Variants in ATP5MG observed in about 807,000 individuals in gnomAD.
The protein encoded by ATP5MG is ATP synthase membrane subunit g.
In ATP5MG, 7 loss-of-function variants were observed where a neutral mutation model predicts 12.7. The ratio of observed to expected loss-of-function variants is 0.55; its 90% CI spans 0.31 to 1.04. The LOEUF is 1.04. Ranked by LOEUF, ATP5MG falls within the 50% of genes least tolerant of loss-of-function variation. The probability of loss-of-function intolerance (pLI) is 0.05; values close to 1 mark genes in which losing one functional copy is unlikely to be tolerated. For synonymous variants in ATP5MG, 53 were observed against 48.2 expected (o/e 1.10, Z -0.41); for missense variants, 116 against 126.7 (o/e 0.92, Z 0.41).
chr11:118,402,682 CTTTT>C (rs1331286467), intron 1 of ATP5MG, among the ~76,000 whole-genome samples: 4 of 144,430 alleles, frequency 2.8e-5, no homozygotes, highest in Admixed American at 1.4e-4. Flanking sequence ...TGGGTATTTT[CTTTT>C]TCTTTCTTTC....
At chr11:118,407,215 G>T in intron 2 of ATP5MG, 118 bp downstream of exon 2, 1 of 1,423,366 alleles carries the variant, frequency 7.0e-7, no homozygotes, top group Non-Finnish European at 9.3e-7. Flanking sequence ...AGCATAATGA[G>T]GAAAAAAATT....
In ATP5MG at chr11:118,406,934, C is replaced by T. The variant is rs782683609; in HGVS notation, c.53-3C>T. On this transcript the variant is annotated splice_region_variant and splice_polypyrimidine_tract_variant and intron_variant, in intron 1 of 2. Coordinates refer to ENST00000300688, the MANE Select transcript of ATP5MG (RefSeq NM_006476.5). ...TTTTGTTTTGTTTTGTTTTGTTTTCCAGCTGCTGTGACTTACTCGAAGCCT... is the reference window on the plus strand; with the variant it reads ...TTTTGTTTTGTTTTGTTTTGTTTTCTAGCTGCTGTGACTTACTCGAAGCCT... 3.8e-6 allele frequency: 6 copies of T among 1,595,792 alleles called. No individual in the cohort carries two copies. Among genetic ancestry groups the T allele is most frequent in the Non-Finnish European group, 8.5e-7 (1 of 1,171,142 alleles).
At chr11:118,401,898 G>C in intron 1 of ATP5MG, 181 bp downstream of exon 1, 1 of 662,290 alleles carries the variant, frequency 1.5e-6, no homozygotes, top group Admixed American at 3.0e-5. Flanking sequence ...CCACTCGTCT[G>C]ACCTGCAGAT....
intron 1 of ATP5MG, among the ~76,000 whole-genome samples, chr11:118,404,487 G>T (rs1948956299): frequency 6.6e-6 from 1 of 152,074 alleles, no homozygotes; most frequent in Admixed American, 6.6e-5. Context: ...GTCTGTCTAG[G>T]TATCTGTCTT....
At chr11:118,408,481 C>T (rs1276614034) in intron 2 of ATP5MG, among the ~76,000 whole-genome samples, 3 of 152,146 alleles carry the variant, frequency 2.0e-5, no homozygotes, top group Non-Finnish European at 2.9e-5. Context: ...TTTGGGACAA[C>T]AAAATGTTGA....
At position 118,401,655 on chromosome 11, in the gene ATP5MG, A is replaced by T; in HGVS notation, c.-11A>T. On this transcript the variant is annotated 5_prime_UTR_variant, in exon 1 of 3. Transcript: ENST00000300688. ...GGCGGTTCGGGGCGACGGACTCTCC[A>T]TTCCAGAACCATGGCCCAATTTGTC... The T allele has an allele frequency of 6.2e-7, 1 of 1,614,074 alleles. No homozygotes were observed. The highest frequency in any genetic ancestry group is 8.5e-7 in the Non-Finnish European group (1 of 1,179,986).
In ATP5MG at chr11:118,406,994, A is replaced by C. The variant is rs1555132207; in HGVS notation, c.110A>C (p.Glu37Ala). Residue 37 changes from glutamate to alanine, a missense_variant, in exon 2 of 3, where the codon GAG (glutamate) becomes GCG (alanine). Glu to Ala is a moderately radical substitution (Grantham distance 107, BLOSUM62 -1). Transcript: ENST00000300688. ...LATFWYYAKV[E>A]LVPPTPAEIP... is the part of the protein sequence containing the mutation. ...ACATTTTGGTACTACGCCAAGGTTGAGCTGGTTCCTCCCACCCCTGCTGAG... is the reference window on the plus strand; with the variant it reads ...ACATTTTGGTACTACGCCAAGGTTGCGCTGGTTCCTCCCACCCCTGCTGAG... 1 of 1,614,042 alleles carries C rather than the reference A, an allele frequency of 6.2e-7. No individual in the cohort carries two copies. Among genetic ancestry groups the C allele is most frequent in the Admixed American group, 1.7e-5 (1 of 60,008 alleles).
At chr11:118,406,616 A>G in intron 1 of ATP5MG, 1 of 252,462 alleles carries the variant, frequency 4.0e-6, no homozygotes, top group Admixed American at 4.8e-5. Context: ...TCCAATTCCT[A>G]GCATCTTTAC....
At chr11:118,403,030 T>G (rs1271483641) in intron 1 of ATP5MG, among the ~76,000 whole-genome samples, 1 of 152,070 alleles carries the variant, frequency 6.6e-6, no homozygotes, top group African/African-American at 2.4e-5. Flanking sequence ...CTCCCTTCCC[T>G]CCATCACCAG....
At chr11:118,404,014 A>G (rs1201546539) in intron 1 of ATP5MG, 1 of 152,224 alleles carries the variant, frequency 6.6e-6, no homozygotes, top group African/African-American at 2.4e-5. Flanking sequence ...AATATATAAT[A>G]TGAACCCTTC....
At chr11:118,401,748 C>T (rs782772587) in intron 1 of ATP5MG, 31 bp downstream of exon 1, 6 of 1,604,636 alleles carry the variant, frequency 3.7e-6, no homozygotes, top group Non-Finnish European at 5.1e-6. Flanking sequence ...CCGAGGCGGG[C>T]ACACGGGCGG....
At chr11:118,407,210 A>C (rs527436462) in intron 2 of ATP5MG, 113 bp downstream of exon 2, 1 of 1,440,698 alleles carries the variant, frequency 6.9e-7, no homozygotes, top group East Asian at 2.5e-5. Flanking sequence ...AATCCAGCAT[A>C]ATGAGGAAAA....
intron 1 of ATP5MG, chr11:118,401,920 C>T (rs782668066): frequency 4.9e-5 from 30 of 610,766 alleles, no homozygotes; most frequent in Non-Finnish European, 7.9e-5. Flanking sequence ...GGGTTCTCTA[C>T]ACAACCTAGA....
At chr11:118,401,910 G>A in intron 1 of ATP5MG, 193 bp downstream of exon 1, 1 of 631,634 alleles carries the variant, frequency 1.6e-6, no homozygotes. Context: ...CCTGCAGATT[G>A]GGTTCTCTAC....
In ATP5MG at chr11:118,401,692, G is replaced by A. The variant is rs1260063264; in HGVS notation, c.27G>A (p.Val9=). 5.0e-6 allele frequency: 8 copies of A among 1,613,788 alleles called. No homozygotes were observed. The highest frequency in any genetic ancestry group is 8.5e-7 in the Non-Finnish European group (1 of 1,179,874). The change falls in exon 1 of 3, where the codon GTG becomes GTA. Residue 9 remains valine, a synonymous_variant. Coordinates refer to ENST00000300688, the MANE Select transcript of ATP5MG (RefSeq NM_006476.5). ...TGGCCCAATTTGTCCGTAACCTTGT[G>A]GAGAAGACCCCGGCGCTGGTGAACG... is the stretch of plus-strand genomic sequence containing the variant. MAQFVRNL[V]EKTPALVNAA... is the part of the protein sequence containing the mutation.
chr11:118,408,963 A>T (rs1948994889), intron 2 of ATP5MG, 37 bp from the exon 3 acceptor site: 1 of 804,388 alleles, frequency 1.2e-6, no homozygotes, highest in African/African-American at 1.8e-5. Context: ...ATATATATAT[A>T]TAAAAGGTAC....
rs145345193 is a variant in ATP5MG, at chr11:118,407,121, G to A, written c.213+24G>A. The A allele has an allele frequency of 1.5e-4, 241 of 1,613,154 alleles. No homozygotes were observed. The African/African-American group carries it at 2.2e-3, about 15-fold the overall frequency. On this transcript the variant is annotated intron_variant, in intron 2 of 2. Coordinates refer to ENST00000300688, the MANE Select transcript of ATP5MG (RefSeq NM_006476.5). ...AGGTAACCACGGGCTAAATGAAAACGGATGTGCATAACAGAAAATGTCTTC... is the reference window on the plus strand; with the variant it reads ...AGGTAACCACGGGCTAAATGAAAACAGATGTGCATAACAGAAAATGTCTTC...
Position 118,407,284 on chromosome 11 carries a change from G to A in ATP5MG, c.213+187G>A, listed in dbSNP as rs988595224. ...TTTGTCACCTGGGTAGAAATAATTA[G>A]CCCATTTTATGTCTTAGTTTCCTAA... On this transcript the variant is annotated intron_variant, in intron 2 of 2. Transcript: ENST00000300688. 56 of 889,582 alleles carry A rather than the reference G, an allele frequency of 6.3e-5. No individual in the cohort carries two copies. In the African/African-American group the frequency reaches 8.6e-4, roughly 14 times the overall value. 55.1% of individuals were successfully genotyped at this position (889,582 alleles called of 1,614,324 possible). A position where few individuals can be genotyped will look rare whatever the true frequency, so the allele number is the denominator to read the frequency against.
chr11:118,405,774 G>GC (rs782782579), intron 1 of ATP5MG: 7 of 936,830 alleles, frequency 7.5e-6, no homozygotes, highest in East Asian at 1.2e-4. Flanking sequence ...TCAAATGGAG[G>GC]CCGTTAATAT....
Sources: allele counts gnomAD v4.1 joint callset (sites outside exome capture counted in the v4.1 genomes callset), GRCh38; gene constraint gnomAD v4.1.1; transcripts MANE v1.5; gene names NCBI Gene and HGNC (gene_info 2026-07-23, HGNC 2026-07-21).